Variants in FREM2 observed in about 807,000 individuals in gnomAD.
FREM2 encodes FRAS1 related extracellular matrix 2.
In FREM2, 119 loss-of-function variants were observed where a neutral mutation model predicts 219.9. The observed-to-expected ratio is 0.54, with a 90% confidence interval of 0.47 to 0.63. The LOEUF (loss-of-function observed/expected upper bound fraction) is 0.63, where lower values mean the gene tolerates loss of function less well. Among genes scored for constraint, FREM2 ranks in the 30% least tolerant of loss-of-function variants. The probability of loss-of-function intolerance (pLI) is 0.00; values close to 1 mark genes in which losing one functional copy is unlikely to be tolerated. For missense variants in FREM2, 4,030 were observed against 3,993.6 expected, an observed-to-expected ratio of 1.01 and a Z score of -0.25; for synonymous variants, 1,562 against 1,522.8, an observed-to-expected ratio of 1.03 and a Z score of -0.60.
intron 14 of FREM2, among the ~76,000 whole-genome samples, chr13:38,859,800 C>A (rs948091085): frequency 6.6e-6 from 1 of 152,086 alleles, no homozygotes; most frequent in Non-Finnish European, 1.5e-5. Context: ...ATGCCAGACA[C>A]AATGCTTTGT....
chr13:38,841,148 C>A (rs957098712), intron 6 of FREM2, among the ~76,000 whole-genome samples: 1 of 152,122 alleles, frequency 6.6e-6, no homozygotes, highest in African/African-American at 2.4e-5. Context: ...TAGTACACAC[C>A]TCAGTGGGTG....
chr13:38,815,541 T>C (rs1875730988), intron 6 of FREM2, among the ~76,000 whole-genome samples: 1 of 152,132 alleles, frequency 6.6e-6, no homozygotes, highest in African/African-American at 2.4e-5. Context: ...ATACAAAGGA[T>C]GATGAGAGGC....
At position 38,850,102 on chromosome 13, in the gene FREM2, A is replaced by C. The variant is rs1347815710; in HGVS notation, c.6444A>C (p.Thr2148=). 2.5e-6 allele frequency: 4 copies of C among 1,614,044 alleles called. No homozygotes were observed. The highest frequency in any genetic ancestry group is 3.4e-6 in the Non-Finnish European group (4 of 1,179,912). ...GCGAAAGTGATGGGCAGATAGTTAC[A>C]ATGATCCATAGGACTGGGGATGTCC... ...TGSESDGQIV[T]MIHRTGDVQY... is the part of the protein sequence containing the mutation. Residue 2148 remains threonine (T), a synonymous_variant, in exon 9 of 24, where the codon ACA becomes ACC. Transcript: ENST00000280481.
At chr13:38,716,490 G>T (rs780399432) in intron 2 of FREM2, among the ~76,000 whole-genome samples, 19 of 151,618 alleles carry the variant, frequency 1.3e-4, no homozygotes, top group Non-Finnish European at 2.1e-4. Flanking sequence ...CACCTTGTTG[G>T]CTCAGTAATC....
At chr13:38,852,506 A>C (rs1027990704) in intron 11 of FREM2, among the ~76,000 whole-genome samples, 3 of 151,930 alleles carry the variant, frequency 2.0e-5, no homozygotes, top group Admixed American at 2.0e-4. Flanking sequence ...AATATGCATG[A>C]TAACTGTGAT....
At chr13:38,769,840 TG>T in intron 4 of FREM2, 32 bp downstream of exon 4, 2 of 1,533,664 alleles carry the variant, frequency 1.3e-6, no homozygotes, top group Non-Finnish European at 1.8e-6. Context: ...TTTATGTTGT[TG>T]CTGTTGGGCT....
At chr13:38,797,013 A>T (rs1366393623) in intron 6 of FREM2, among the ~76,000 whole-genome samples, 2 of 151,856 alleles carry the variant, frequency 1.3e-5, no homozygotes, top group Admixed American at 1.3e-4. Flanking sequence ...AGTAGTTAGG[A>T]CTAAGGTGCA....
At chr13:38,874,127 C>T (rs1331184702) in intron 17 of FREM2, among the ~76,000 whole-genome samples, 1 of 152,052 alleles carries the variant, frequency 6.6e-6, no homozygotes, top group Non-Finnish European at 1.5e-5. Context: ...TAACTCAAAC[C>T]TATTTCTATT....
At position 38,870,707 on chromosome 13, in the gene FREM2, G is replaced by A. The variant is rs546991619; in HGVS notation, c.7984-2035G>A. 2.8e-4 allele frequency among the ~76,000 whole-genome samples: 43 copies of A among 152,248 alleles called. No homozygotes were observed. In the East Asian group the frequency reaches 7.7e-3, roughly 27 times the overall value. On this transcript the variant is annotated intron_variant, in intron 16 of 23. Transcript: ENST00000280481. ...GAAAATGCAATGGAATGCTGATTCT[G>A]TGTCCAAAAATGATCAAGCTCTAGT...
At position 38,763,518 on chromosome 13, in the gene FREM2, CTTTG is replaced by C. The variant is rs556906324; in HGVS notation, c.5264-780_5264-777del. On this transcript the variant is annotated intron_variant, in intron 2 of 23. Transcript: ENST00000280481. Reference sequence around the variant, plus strand: ...AAGACTTAAAAGGCATTACTGATGCCTTTGTTTGTAAACCTCACCTTACTCTGAA... The same window carrying C: ...AAGACTTAAAAGGCATTACTGATGCCTTTGTAAACCTCACCTTACTCTGAA... 6.0e-5 allele frequency among the ~76,000 whole-genome samples: 8 copies of C among 132,792 alleles called. No individual in the cohort carries two copies. In the South Asian group the frequency reaches 1.2e-3, roughly 20 times the overall value. 87.1% of individuals were successfully genotyped at this position (132,792 alleles called of 152,430 possible).
chr13:38,797,392 A>T (rs1159658399), intron 6 of FREM2, among the ~76,000 whole-genome samples: 1 of 151,994 alleles, frequency 6.6e-6, no homozygotes, highest in Non-Finnish European at 1.5e-5. Flanking sequence ...TTGGCTATGT[A>T]TATCTTTTTT....
At chr13:38,775,967 A>G (rs948636482) in intron 4 of FREM2, among the ~76,000 whole-genome samples, 2 of 152,218 alleles carry the variant, frequency 1.3e-5, no homozygotes, top group African/African-American at 2.4e-5. Context: ...ACCAAAGGAT[A>G]ATTTTTGGAC....
intron 2 of FREM2, among the ~76,000 whole-genome samples, chr13:38,705,174 C>T (rs1246258260): frequency 6.6e-6 from 1 of 151,996 alleles, no homozygotes; most frequent in Non-Finnish European, 1.5e-5. Flanking sequence ...GACATGAGGC[C>T]GATGCAGAAA....
intron 6 of FREM2, among the ~76,000 whole-genome samples, chr13:38,792,835 T>A (rs1345168614): frequency 1.3e-5 from 2 of 152,126 alleles, no homozygotes; most frequent in East Asian, 3.8e-4. Context: ...ATAGCAAGGT[T>A]TTTAAGGATA....
chr13:38,873,060 TAATA>T (rs879558192), intron 17 of FREM2, 126 bp downstream of exon 17: 56 of 770,602 alleles, frequency 7.3e-5, no homozygotes, highest in Non-Finnish European at 1.2e-4. Flanking sequence ...TTTCTATCTA[TAATA>T]AGATAATTTC....
At chr13:38,877,519 A>G (rs1420405291) in intron 21 of FREM2, among the ~76,000 whole-genome samples, 1 of 152,006 alleles carries the variant, frequency 6.6e-6, no homozygotes, top group Non-Finnish European at 1.5e-5. Flanking sequence ...TTTTTTTTCA[A>G]TCTGTGTAAA....
In FREM2 at chr13:38,851,821, A is replaced by C; in HGVS notation, c.6878A>C (p.Lys2293Thr). 1 of 1,614,030 alleles carries C rather than the reference A, an allele frequency of 6.2e-7. No homozygotes were observed. Among genetic ancestry groups the C allele is most frequent in the Non-Finnish European group, 8.5e-7 (1 of 1,179,936 alleles). The change falls in exon 11 of 24, where the codon AAG (lysine) becomes ACG (threonine). Residue 2293 changes from lysine (K) to threonine (T), a missense_variant. By Grantham distance (78) the Lys-to-Thr change is moderately conservative. Transcript: ENST00000280481. ...GTTTCCATTGTGAGAGTCCACACCA[A>C]GGATGGCTCGGCCACCTCTGGAGAA... ...SKVSIVRVHT[K>T]DGSATSGEDY... is the part of the protein sequence containing the mutation.
intron 20 of FREM2, 101 bp downstream of exon 20, chr13:38,876,483 T>C (rs1012272716): frequency 1.0e-6 from 1 of 971,802 alleles, no homozygotes; most frequent in South Asian, 1.4e-5. Flanking sequence ...TGACTTTAAT[T>C]CTTGCATGCT....
chr13:38,712,184 G>A (rs189158706), intron 2 of FREM2, among the ~76,000 whole-genome samples: 506 of 152,074 alleles, frequency 3.3e-3, no homozygotes, highest in African/African-American at 0.01. Flanking sequence ...GTGAGCCACC[G>A]CGCCCAGCCC....
Sources: allele counts gnomAD v4.1 joint callset (sites outside exome capture counted in the v4.1 genomes callset), GRCh38; gene constraint gnomAD v4.1.1; transcripts MANE v1.5; gene names NCBI Gene and HGNC (gene_info 2026-07-23, HGNC 2026-07-21).